The following OCLN variants were observed in gnomAD, a reference collection of about 807,000 sequenced individuals.
OCLN encodes the protein phosphatase 1, regulatory subunit 115.
OCLN carries 21 observed loss-of-function variants against 47.9 expected under a neutral mutation model. That is an observed-to-expected ratio of 0.44 (90% CI 0.31 to 0.63). The LOEUF is 0.63. Ranked by LOEUF, OCLN falls within the 30% of genes least tolerant of loss-of-function variation. OCLN has a pLI of 0.08. For missense variants in OCLN, 360 were observed against 571.0 expected, an observed-to-expected ratio of 0.63 and a Z score of 3.77; for synonymous variants, 117 against 198.4, an observed-to-expected ratio of 0.59 and a Z score of 3.45.
intron 7 of OCLN, among the ~76,000 whole-genome samples, chr5:69,549,969 T>C (rs1769820107): frequency 6.6e-6 from 1 of 150,778 alleles, no homozygotes; most frequent in South Asian, 2.1e-4. Flanking sequence ...CTGGCTTTTC[T>C]TAACAGCAAG....
At chr5:69,508,600 C>T (rs1311372613) in intron 2 of OCLN, among the ~76,000 whole-genome samples, 2 of 152,184 alleles carry the variant, frequency 1.3e-5, no homozygotes, top group Non-Finnish European at 2.9e-5. Flanking sequence ...CTTGGCCTCC[C>T]AAAGTGCTGG....
At chr5:69,529,458 C>T (rs1051984724) in intron 4 of OCLN, among the ~76,000 whole-genome samples, 4 of 152,126 alleles carry the variant, frequency 2.6e-5, no homozygotes, top group Non-Finnish European at 5.9e-5. Flanking sequence ...TTTGCTATTT[C>T]GGAAATAAAT....
At chr5:69,516,032 G>A (rs1768955892) in intron 4 of OCLN, among the ~76,000 whole-genome samples, 1 of 149,912 alleles carries the variant, frequency 6.7e-6, no homozygotes, top group Non-Finnish European at 1.5e-5. Context: ...CAGGCAGAGG[G>A]GCTCCTCACG....
chr5:69,527,982 T>C (rs924340476), intron 4 of OCLN, among the ~76,000 whole-genome samples: 2 of 152,178 alleles, frequency 1.3e-5, no homozygotes, highest in Non-Finnish European at 2.9e-5. Flanking sequence ...CAATTTGTTT[T>C]CTAAATCCTA....
chr5:69,504,839 C>G (rs1009782417), intron 2 of OCLN, among the ~76,000 whole-genome samples: 5 of 152,146 alleles, frequency 3.3e-5, no homozygotes, highest in Non-Finnish European at 5.9e-5. Flanking sequence ...CCTGTAATCC[C>G]AGCTACTTGG....
At chr5:69,494,187 G>C (rs28428839) in intron 1 of OCLN, among the ~76,000 whole-genome samples, 125 of 3,216 alleles carry the variant, frequency 0.039, 2 homozygotes, top group South Asian at 0.076. Context: ...TGAGGTGCTT[G>C]TGTGTGTGTG....
chr5:69,508,110 A>C (rs1289829193), intron 2 of OCLN, among the ~76,000 whole-genome samples: 2 of 151,970 alleles, frequency 1.3e-5, no homozygotes, highest in Admixed American at 1.3e-4. Context: ...ATCGCAGCTC[A>C]CTGCAACCTC....
At chr5:69,495,274 C>G (rs938992952) in intron 1 of OCLN, among the ~76,000 whole-genome samples, 1 of 151,986 alleles carries the variant, frequency 6.6e-6, no homozygotes, top group Non-Finnish European at 1.5e-5. Context: ...TGTTTTAACC[C>G]CTAGGCTTGC....
chr5:69,499,907 A>G (rs1285726804), intron 1 of OCLN, among the ~76,000 whole-genome samples: 1 of 152,228 alleles, frequency 6.6e-6, no homozygotes, highest in Admixed American at 6.5e-5. Context: ...TTCTTATCCC[A>G]GTGCAGAGGT....
chr5:69,509,091 G>A (rs1382175188), intron 2 of OCLN, 50 bp from the exon 3 acceptor site: 2 of 1,477,220 alleles, frequency 1.4e-6, no homozygotes, highest in Non-Finnish European at 9.5e-7. Context: ...TGTTCTTTCT[G>A]CTTACTACCA....
chr5:69,525,686 C>G (rs149848084), intron 4 of OCLN, among the ~76,000 whole-genome samples: 2 of 152,148 alleles, frequency 1.3e-5, no homozygotes, highest in Non-Finnish European at 2.9e-5. Context: ...TAAAGGTCAA[C>G]TTTTTATGAG....
chr5:69,527,887 C>T (rs993507201), intron 4 of OCLN, among the ~76,000 whole-genome samples: 1 of 151,876 alleles, frequency 6.6e-6, no homozygotes, highest in Non-Finnish European at 1.5e-5. Flanking sequence ...GGGGTCTTCT[C>T]GGTTGGGGGC....
intron 4 of OCLN, among the ~76,000 whole-genome samples, chr5:69,527,353 G>A (rs969326071): frequency 5.9e-5 from 9 of 152,094 alleles, no homozygotes; most frequent in Non-Finnish European, 1.0e-4. Context: ...ACCATTCCAC[G>A]GCTGCTAGTC....
intron 1 of OCLN, among the ~76,000 whole-genome samples, chr5:69,501,314 G>A (rs562314685): frequency 2.6e-5 from 4 of 152,272 alleles, no homozygotes; most frequent in Non-Finnish European, 5.9e-5. Context: ...TCATTTGTAT[G>A]TGTGTTTCAC....
chr5:69,499,138 A>G (rs571612147), intron 1 of OCLN, among the ~76,000 whole-genome samples: 1 of 152,208 alleles, frequency 6.6e-6, no homozygotes, highest in East Asian at 1.9e-4. Context: ...GTATAGTGGC[A>G]TGATCACTCC....
rs563442335 is a variant in OCLN at position 69,498,782 on chromosome 5, C to A, written c.-68-5395C>A. Among the ~76,000 whole-genome samples, 116 of 152,086 alleles carry A rather than the reference C, an allele frequency of 7.6e-4. 1 individual carries two copies. The highest frequency in any genetic ancestry group is 3.4e-3 in the Middle Eastern group (1 of 294). Reference sequence around the variant, plus strand: ...GCAAACTCTGCCTCCTGGGCTCAAGCGATTCTCCTGCCTCAGCCTCCTGAG... The same window carrying A: ...GCAAACTCTGCCTCCTGGGCTCAAGAGATTCTCCTGCCTCAGCCTCCTGAG... On this transcript the variant is annotated intron_variant, in intron 1 of 8. Transcript: ENST00000396442.
At position 69,493,472 on chromosome 5, in the gene OCLN, T is replaced by TG. The variant is rs1561325708; in HGVS notation, c.-69+575dup. On this transcript the variant is annotated intron_variant, in intron 1 of 8. Coordinates refer to ENST00000396442, the MANE Select transcript of OCLN (RefSeq NM_001205254.2). This position sits in a 1 kb window ranked among gnomAD's most constrained non-coding sequence, Gnocchi z 5.3. The stretch of plus-strand genomic sequence containing the variant: ...GTGAAATATTCCAGGAGTCACGGTG[T>TG]GGGCCACACTGGCTACTTCGAATCC... Among the ~76,000 whole-genome samples, 1 of 152,026 alleles carries TG rather than the reference T, an allele frequency of 6.6e-6. No homozygotes were observed. Among genetic ancestry groups the TG allele is most frequent in the Non-Finnish European group, 1.5e-5 (1 of 67,994 alleles).
chr5:69,493,553 A>T lies in OCLN; in HGVS notation c.-69+653A>T, dbSNP rs1044802668. Among the ~76,000 whole-genome samples, 3 of 152,060 alleles carry T rather than the reference A, an allele frequency of 2.0e-5. No homozygotes were observed. The highest frequency in any genetic ancestry group is 7.2e-5 in the African/African-American group (3 of 41,416). ...ATTTAAGCTGGGGGGCGGGGAGTTAATTTCGAGTGAGGCTGGACTTCGAGG... is the reference window on the plus strand; with the variant it reads ...ATTTAAGCTGGGGGGCGGGGAGTTATTTTCGAGTGAGGCTGGACTTCGAGG... On this transcript the variant is annotated intron_variant, in intron 1 of 8. Coordinates refer to ENST00000396442, the MANE Select transcript of OCLN (RefSeq NM_001205254.2). The surrounding 1 kb of genome is among the most constrained non-coding windows in gnomAD (Gnocchi z 5.3).
intron 1 of OCLN, among the ~76,000 whole-genome samples, chr5:69,502,163 C>T (rs1768476559): frequency 6.7e-6 from 1 of 148,848 alleles, no homozygotes; most frequent in South Asian, 2.1e-4. Context: ...CATGCCATTG[C>T]ATTCCATCCT....
Sources: allele counts gnomAD v4.1 joint callset (sites outside exome capture counted in the v4.1 genomes callset), GRCh38; gene constraint gnomAD v4.1.1; non-coding constraint Gnocchi (gnomAD v3.1); transcripts MANE v1.5; gene names NCBI Gene and HGNC (gene_info 2026-07-23, HGNC 2026-07-21).